Variants in USP6 observed in about 807,000 individuals in gnomAD.
USP6 encodes ubiquitin specific peptidase 6, also known as ubiquitin carboxyl-terminal hydrolase 6.
In USP6, 128 loss-of-function variants were observed where a neutral mutation model predicts 175.7. That is an observed-to-expected ratio of 0.73 (90% confidence interval 0.63 to 0.84). The LOEUF (loss-of-function observed/expected upper bound fraction) is 0.84, where lower values mean the gene tolerates loss of function less well. Ranked by LOEUF, USP6 falls within the 40% of genes least tolerant of loss-of-function variation. The pLI, the probability that USP6 is intolerant of heterozygous loss-of-function variation, is 0.00. For missense variants in USP6, 1,498 were observed against 1,760.3 expected (o/e 0.85, Z 2.67); for synonymous variants, 562 against 630.6 (o/e 0.89, Z 1.63).
At chr17:5,143,241 C>T (rs1181602530) in intron 25 of USP6, among the ~76,000 whole-genome samples, 2 of 152,158 alleles carry the variant, frequency 1.3e-5, no homozygotes, top group Non-Finnish European at 2.9e-5. Context: ...GCCACCACCC[C>T]GTCTGGGAGG....
intron 35 of USP6, among the ~76,000 whole-genome samples, chr17:5,169,772 A>T (rs974867726): frequency 3.3e-5 from 5 of 152,232 alleles, no homozygotes; most frequent in African/African-American, 1.2e-4. Flanking sequence ...TACTGAGAAA[A>T]TATGTGCTTT....
chr17:5,173,113 A>G lies in USP6; in HGVS notation c.*135A>G, dbSNP rs2074262482. 8.8e-7 allele frequency: 1 copy of G among 1,134,958 alleles called. No individual in the cohort carries two copies. The highest frequency in any genetic ancestry group is 1.6e-5 in the African/African-American group (1 of 63,510). 70.3% of individuals were successfully genotyped at this position (1,134,958 alleles called of 1,614,324 possible). On this transcript the variant is annotated 3_prime_UTR_variant, in exon 38 of 38. Transcript: ENST00000574788. ...CTGTTAGAACAAAAATTCTAATTAA[A>G]ATAGTTAACTTGAAGAGTAGAAACA...
At chr17:5,123,915 A>G (rs555746504) in intron 4 of USP6, among the ~76,000 whole-genome samples, 65 of 117,814 alleles carry the variant, frequency 5.5e-4, no homozygotes, top group African/African-American at 1.5e-3. Context: ...GCACACACAC[A>G]CACGCACACA....
chr17:5,136,972 A>C (rs564729633), intron 18 of USP6, 149 bp from the exon 19 acceptor site: 21 of 1,136,726 alleles, frequency 1.8e-5, no homozygotes, highest in Admixed American at 1.9e-5. Context: ...CAGTGTGTCC[A>C]CCGGGAGTGT....
At chr17:5,172,036 A>G (rs182218751) in intron 37 of USP6, among the ~76,000 whole-genome samples, 124 of 151,664 alleles carry the variant, frequency 8.2e-4, no homozygotes, top group Admixed American at 4.4e-3. Context: ...TTAGTTGGGC[A>G]TGTTGGCGCA....
intron 10 of USP6, 38 bp from the exon 11 acceptor site, chr17:5,130,564 A>T: frequency 1.2e-6 from 2 of 1,612,344 alleles, no homozygotes; most frequent in Non-Finnish European, 1.7e-6. Flanking sequence ...TGCACCCTTT[A>T]CCTTGGACCC....
At chr17:5,142,710 G>T (rs1026161253) in intron 25 of USP6, among the ~76,000 whole-genome samples, 2 of 152,104 alleles carry the variant, frequency 1.3e-5, no homozygotes, top group African/African-American at 4.8e-5. Context: ...AAGACCAAAG[G>T]TACACTCTAA....
rs528775772 is a variant in USP6 at position 5,171,764 on chromosome 17, T to A, written c.4047+85T>A. The A allele has an allele frequency of 2.5e-3, 3,405 of 1,380,696 alleles. 10 individuals are homozygous for A. Among genetic ancestry groups the A allele is most frequent in the Non-Finnish European group, 3.1e-3 (3,092 of 992,524 alleles). The allele number at this position is 1,380,696 out of a possible 1,614,324, so 85.5% of individuals were successfully genotyped here. A position where few individuals can be genotyped will look rare whatever the true frequency, so the allele number is the denominator to read the frequency against. Reference sequence around the variant, plus strand: ...TTGAAATAATGGACTATCTCTTGAATAGGAAATAGATATTTCTGTTAGAAT... The same window carrying A: ...TTGAAATAATGGACTATCTCTTGAAAAGGAAATAGATATTTCTGTTAGAAT... On this transcript the variant is annotated intron_variant, in intron 37 of 37. Coordinates refer to ENST00000574788, the MANE Select transcript of USP6 (RefSeq NM_001304284.2).
At chr17:5,167,797 C>T in intron 33 of USP6, 135 bp from the exon 34 acceptor site, 1 of 1,120,888 alleles carries the variant, frequency 8.9e-7, no homozygotes, top group Non-Finnish European at 1.2e-6. Flanking sequence ...AGCCATCATA[C>T]CCAGCCAGTT....
At chr17:5,140,296 G>A (rs2073406907) in intron 22 of USP6, among the ~76,000 whole-genome samples, 1 of 152,160 alleles carries the variant, frequency 6.6e-6, no homozygotes, top group Non-Finnish European at 1.5e-5. Flanking sequence ...CGGGTGTGGT[G>A]GCTCACACCT....
At chr17:5,166,521 C>T (rs1356114951) in intron 33 of USP6, among the ~76,000 whole-genome samples, 1 of 152,078 alleles carries the variant, frequency 6.6e-6, no homozygotes, top group Admixed American at 6.6e-5. Context: ...AAGTTCACCT[C>T]TGGAAGGGAG....
chr17:5,123,985 A>G (rs1567770029), intron 4 of USP6, among the ~76,000 whole-genome samples: 2 of 152,086 alleles, frequency 1.3e-5, no homozygotes, highest in Non-Finnish European at 2.9e-5. Context: ...CCTAACAAGG[A>G]CCCCTAACAA....
rs142364865 is a variant in USP6 at position 5,135,208 on chromosome 17, C to T, written c.495-26C>T. ...CTAACAGCATCTGCACAAACCAAAC[C>T]ATAGCCCCCTTTCTGTGTTTCCTAG... On this transcript the variant is annotated intron_variant, in intron 15 of 37. Transcript: ENST00000574788. 1.5e-4 allele frequency: 236 copies of T among 1,611,246 alleles called. No individual in the cohort carries two copies. The African/African-American group carries it at 2.3e-3, about 15-fold the overall frequency.
rs2073091602 is a variant in USP6 at position 5,132,202 on chromosome 17, T to C, written c.156-194T>C. On this transcript the variant is annotated intron_variant, in intron 11 of 37. Coordinates refer to ENST00000574788, the MANE Select transcript of USP6 (RefSeq NM_001304284.2). This position sits in a 1 kb window ranked among gnomAD's most constrained non-coding sequence, Gnocchi z 4.7. Reference sequence around the variant, plus strand: ...CCAGCCAGGCTGTCCCTGCACTCCTTCTTCTCCCAGGTCCTGCCCCTCCTG... The same window carrying C: ...CCAGCCAGGCTGTCCCTGCACTCCTCCTTCTCCCAGGTCCTGCCCCTCCTG... 1.3e-6 allele frequency: 2 copies of C among 1,545,990 alleles called. No individual in the cohort carries two copies. Among genetic ancestry groups the C allele is most frequent in the Admixed American group, 3.9e-5 (2 of 51,306 alleles).
In USP6 at chr17:5,132,182, C is replaced by G. The variant is rs747166896; in HGVS notation, c.156-214C>G. 15 of 1,524,658 alleles carry G rather than the reference C, an allele frequency of 9.8e-6. No individual in the cohort carries two copies. The South Asian group carries it at 1.7e-4, about 17-fold the overall frequency. 94.4% of individuals were successfully genotyped at this position (1,524,658 alleles called of 1,614,324 possible). The stretch of plus-strand genomic sequence containing the variant: ...TGCCAGGGGCCCCAGTAACCCCAGC[C>G]AGGCTGTCCCTGCACTCCTTCTTCT... On this transcript the variant is annotated intron_variant, in intron 11 of 37. Coordinates refer to ENST00000574788, the MANE Select transcript of USP6 (RefSeq NM_001304284.2). This position sits in a 1 kb window ranked among gnomAD's most constrained non-coding sequence, Gnocchi z 4.7.
chr17:5,158,582 A>G (rs1274160123), intron 31 of USP6, among the ~76,000 whole-genome samples: 6 of 126,892 alleles, frequency 4.7e-5, no homozygotes, highest in Admixed American at 8.3e-5. Flanking sequence ...AGAGAGAGGG[A>G]GAGAGAGAGA....
At position 5,147,180 on chromosome 17, in the gene USP6, G is replaced by A. The variant is rs752299208; in HGVS notation, c.2417G>A (p.Ser806Asn). The change falls in exon 29 of 38, where the codon AGT becomes AAT. Residue 806 changes from serine to asparagine, a missense_variant. Coordinates refer to ENST00000574788, the MANE Select transcript of USP6 (RefSeq NM_001304284.2). Reference protein sequence around the residue: ...PVPSSPISASSPTQIDFSSSP... With the variant: ...PVPSSPISASNPTQIDFSSSP... ...CCTTCATCTCCAATTTCAGCTTCTA[G>A]TCCAACACAAATAGGTAAGATAGAA... The A allele has an allele frequency of 8.7e-6, 14 of 1,612,842 alleles. No homozygotes were observed. Among genetic ancestry groups the A allele is most frequent in the Non-Finnish European group, 1.2e-5 (14 of 1,179,338 alleles).
chr17:5,123,226 CG>C, intron 4 of USP6: 1 of 62,972 alleles, frequency 1.6e-5, no homozygotes, highest in African/African-American at 6.1e-5. Flanking sequence ...CTGGATGGGG[CG>C]GGTGGGGCTG....
chr17:5,131,181 G>T (rs558206137), intron 11 of USP6, among the ~76,000 whole-genome samples: 3 of 152,132 alleles, frequency 2.0e-5, no homozygotes, highest in Admixed American at 2.0e-4. Context: ...TGGGGACAGT[G>T]GGGGCTTTGG....
Sources: gnomAD v4.1 joint callset for allele counts (sites outside exome capture counted in the v4.1 genomes callset) on GRCh38, gnomAD v4.1.1 for gene constraint, Gnocchi (gnomAD v3.1) non-coding constraint, MANE v1.5 for transcripts, NCBI Gene and HGNC (gene_info 2026-07-23, HGNC 2026-07-21) for gene names.